NCAPD3: variants seen among roughly 807,000 people sequenced by gnomAD.
The protein encoded by NCAPD3 is condensin-2 complex subunit D3.
In NCAPD3, 105 loss-of-function variants were observed where a neutral mutation model predicts 182.9. That is an observed-to-expected ratio of 0.57 (90% CI 0.49 to 0.68). The LOEUF is 0.68. Ranked by LOEUF, NCAPD3 falls within the 30% of genes least tolerant of loss-of-function variation. NCAPD3 has a pLI of 0.00. For synonymous variants in NCAPD3, 815 were observed against 679.9 expected (o/e 1.20, Z -3.09); for missense variants, 1,944 against 1,837.0 (o/e 1.06, Z -1.07).
chr11:134,173,225 A>G (rs1297764207), intron 24 of NCAPD3: 1 of 153,162 alleles, frequency 6.5e-6, no homozygotes, highest in East Asian at 1.9e-4. Flanking sequence ...ATAGCTGTTC[A>G]GTAGGGGGCT....
chr11:134,224,201 A>C, upstream of NCAPD3: 1 of 546,272 alleles, frequency 1.8e-6, no homozygotes, highest in Non-Finnish European at 3.3e-6. Context: ...TTAAACCCTA[A>C]CAGCGTTTTT....
chr11:134,208,929 T>C lies in NCAPD3; in HGVS notation c.817A>G (p.Ile273Val), dbSNP rs762548665. 7 of 1,611,152 alleles carry C rather than the reference T, an allele frequency of 4.3e-6. No homozygotes were observed. Among genetic ancestry groups the C allele is most frequent in the South Asian group, 1.1e-5 (1 of 90,178 alleles). The change falls in exon 7 of 35, where the codon ATA (isoleucine) becomes GTA (valine). Residue 273 changes from isoleucine to valine, a missense_variant. Coordinates refer to ENST00000534548, the MANE Select transcript of NCAPD3 (RefSeq NM_015261.3). ...AATCCATAATAAGCCAGTTCTGGTATGTATTTTGCTTGGTTAAGAGCTCTA... is the reference window on the plus strand; with the variant it reads ...AATCCATAATAAGCCAGTTCTGGTACGTATTTTGCTTGGTTAAGAGCTCTA... ...QARALNQAKY[I>V]PELAYYGLYL...
chr11:134,201,718 GAA>G (rs1183942151), intron 13 of NCAPD3, among the ~76,000 whole-genome samples: 1 of 152,188 alleles, frequency 6.6e-6, no homozygotes, highest in African/African-American at 2.4e-5. Flanking sequence ...GATATTGCTT[GAA>G]AAAGTCTGTG....
At position 134,203,692 on chromosome 11, in the gene NCAPD3, G is replaced by C. The variant is rs747542606; in HGVS notation, c.1430C>G (p.Thr477Ser). The change falls in exon 11 of 35, where the codon ACC (threonine) becomes AGC (serine). Residue 477 changes from threonine (T) to serine (S), a missense_variant. Physicochemically the swap from Thr to Ser is moderately conservative, Grantham distance 58. This residue lies in a region of NCAPD3 where 1,803 missense variants were observed against 1,674.6 expected (regional missense o/e 1.08). Coordinates refer to ENST00000534548, the MANE Select transcript of NCAPD3 (RefSeq NM_015261.3). Reference sequence around the variant, plus strand: ...CTCCAGGATACTCTCCGACGCACTGGTAACAGTCAACTCCAGACAGTGTGC... The same window carrying C: ...CTCCAGGATACTCTCCGACGCACTGCTAACAGTCAACTCCAGACAGTGTGC... ...SFAHCLELTVTSASESILELL... is the reference protein window; with the variant it reads ...SFAHCLELTVSSASESILELL... The C allele has an allele frequency of 7.4e-6, 12 of 1,613,956 alleles. No homozygotes were observed. Among genetic ancestry groups the C allele is most frequent in the Non-Finnish European group, 1.0e-5 (12 of 1,180,036 alleles).
chr11:134,158,538 A>C, intron 29 of NCAPD3, 43 bp from the exon 30 acceptor site: 1 of 1,579,776 alleles, frequency 6.3e-7, no homozygotes, highest in Non-Finnish European at 8.6e-7. Flanking sequence ...AATACTTTTT[A>C]AGTTTTCAAA....
intron 27 of NCAPD3, among the ~76,000 whole-genome samples, chr11:134,165,165 G>C (rs569974275): frequency 1.3e-4 from 20 of 148,606 alleles, no homozygotes; most frequent in Non-Finnish European, 2.8e-4. Context: ...GAGATGAGCT[G>C]AGGAGGAGCT....
chr11:134,223,934 G>C lies in NCAPD3; in HGVS notation c.-8C>G, dbSNP rs764435319. On this transcript the variant is annotated 5_prime_UTR_variant, in exon 1 of 35. Coordinates refer to ENST00000534548, the MANE Select transcript of NCAPD3 (RefSeq NM_015261.3). ...GCCCCGCAACGCCACCATGATCCCAGGGCACCGGCTCGCCGCCGCCGTGCT... is the reference window on the plus strand; with the variant it reads ...GCCCCGCAACGCCACCATGATCCCACGGCACCGGCTCGCCGCCGCCGTGCT... 2 of 1,612,022 alleles carry C rather than the reference G, an allele frequency of 1.2e-6. No homozygotes were observed. The highest frequency in any genetic ancestry group is 1.7e-5 in the Admixed American group (1 of 59,956).
At chr11:134,154,330 A>G (rs978973414) in intron 32 of NCAPD3, among the ~76,000 whole-genome samples, 3 of 152,040 alleles carry the variant, frequency 2.0e-5, no homozygotes, top group African/African-American at 7.2e-5. Flanking sequence ...TTCCTAGGAG[A>G]GCCTGAAGTC....
chr11:134,210,905 A>T (rs918706077), intron 3 of NCAPD3, among the ~76,000 whole-genome samples: 10 of 152,240 alleles, frequency 6.6e-5, no homozygotes, highest in African/African-American at 2.4e-4. Flanking sequence ...GAAAAAGCAG[A>T]GTCAGAAAGA....
At chr11:134,222,799 G>A (rs775928229) in intron 1 of NCAPD3, among the ~76,000 whole-genome samples, 1 of 152,176 alleles carries the variant, frequency 6.6e-6, no homozygotes, top group Non-Finnish European at 1.5e-5. Flanking sequence ...AGCACACAAA[G>A]GGAAAGAAAT....
Position 134,167,978 on chromosome 11 carries a change from G to T in NCAPD3, c.3573+18C>A. On this transcript the variant is annotated intron_variant, in intron 27 of 34. Transcript: ENST00000534548. ...ACTCACTTGTGAGAAGATGATCTTA[G>T]GGGAGCAACACACTCACTTGTGAGA... 6.2e-7 allele frequency: 1 copy of T among 1,611,356 alleles called. No individual in the cohort carries two copies.
chr11:134,209,729 G>A (rs183201401), intron 4 of NCAPD3: 2 of 404,538 alleles, frequency 4.9e-6, no homozygotes, highest in Admixed American at 4.2e-5. Flanking sequence ...AATTTTTGCT[G>A]TCTATGAAAT....
chr11:134,173,812 T>A (rs923862745), intron 24 of NCAPD3: 2 of 152,106 alleles, frequency 1.3e-5, no homozygotes, highest in African/African-American at 4.8e-5. Context: ...GAACCTCAAA[T>A]TAGCCGGGCG....
At chr11:134,163,886 A>AAG (rs943012701) in intron 27 of NCAPD3, among the ~76,000 whole-genome samples, 7 of 148,360 alleles carry the variant, frequency 4.7e-5, no homozygotes, top group African/African-American at 1.8e-4. Flanking sequence ...AAAAAAAAAA[A>AAG]AAAAAAGAAA....
chr11:134,208,744 AT>A, intron 7 of NCAPD3, 119 bp downstream of exon 7: 1 of 702,326 alleles, frequency 1.4e-6, no homozygotes, highest in Non-Finnish European at 2.5e-6. Context: ...ATATAAGGTC[AT>A]GAAAATGAGC....
chr11:134,167,596 ACACT>A lies in NCAPD3; in HGVS notation c.3573+396_3573+399del, dbSNP rs1341995606. 1.4e-3 allele frequency among the ~76,000 whole-genome samples: 148 copies of A among 106,096 alleles called. 1 individual carries two copies. The highest frequency in any genetic ancestry group is 2.1e-3 in the Non-Finnish European group (116 of 55,070). The allele number at this position is 106,096 out of a possible 152,430, so 69.6% of individuals were successfully genotyped here. ...AGTGAGATGAGCTTGGGGGAGGGGCACACTCACTAGTGAGATGAGCTTGGGGGAG... is the reference window on the plus strand; with the variant it reads ...AGTGAGATGAGCTTGGGGGAGGGGCACACTAGTGAGATGAGCTTGGGGGAG... On this transcript the variant is annotated intron_variant, in intron 27 of 34. Coordinates refer to ENST00000534548, the MANE Select transcript of NCAPD3 (RefSeq NM_015261.3).
intron 18 of NCAPD3, 75 bp from the exon 19 acceptor site, chr11:134,184,827 AC>A: frequency 7.6e-7 from 1 of 1,318,872 alleles, no homozygotes; most frequent in Non-Finnish European, 1.1e-6. Flanking sequence ...ACACACACAC[AC>A]ACACACACAC....
At chr11:134,220,465 C>T (rs1457359914) in intron 2 of NCAPD3, 107 bp downstream of exon 2, 4 of 993,826 alleles carry the variant, frequency 4.0e-6, no homozygotes, top group Non-Finnish European at 5.9e-6. Context: ...TCATATTGTA[C>T]TCCCTGTGAA....
At chr11:134,191,835 C>T (rs1944530845) in intron 16 of NCAPD3, among the ~76,000 whole-genome samples, 1 of 152,154 alleles carries the variant, frequency 6.6e-6, no homozygotes, top group South Asian at 2.1e-4. Context: ...GGGATGGAAC[C>T]AAAGTCTCAT....
Sources: gnomAD v4.1 joint callset for allele counts (sites outside exome capture counted in the v4.1 genomes callset) on GRCh38, gnomAD v4.1.1 for gene constraint, gnomAD v4.1.1 regional missense constraint, MANE v1.5 for transcripts, NCBI Gene and HGNC (gene_info 2026-07-23, HGNC 2026-07-21) for gene names.